The following RABGAP1L variants were observed in gnomAD, a reference collection of about 807,000 sequenced individuals.
RABGAP1L encodes rab GTPase-activating protein 1-like.
RABGAP1L carries 63 observed loss-of-function variants against 137.7 expected under a neutral mutation model. That is an observed-to-expected ratio of 0.46 (90% CI 0.37 to 0.56). The LOEUF is 0.56. Ranked by LOEUF, RABGAP1L falls within the 20% of genes least tolerant of loss-of-function variation. The pLI is 0.00. For synonymous variants in RABGAP1L, 431 were observed against 433.7 expected, an observed-to-expected ratio of 0.99 and a Z score of 0.08; for missense variants, 1,095 against 1,244.0, an observed-to-expected ratio of 0.88 and a Z score of 1.80.
At chr1:174,195,735 CTT>C (rs1558021791) in intron 1 of RABGAP1L, among the ~76,000 whole-genome samples, 4 of 115,830 alleles carry the variant, frequency 3.5e-5, no homozygotes, top group African/African-American at 1.4e-4. Context: ...TCTTTCTTTT[CTT>C]TCTTTCTTTC....
chr1:174,467,859 G>T (rs1021994322), intron 13 of RABGAP1L, among the ~76,000 whole-genome samples: 14 of 152,124 alleles, frequency 9.2e-5, no homozygotes, highest in Non-Finnish European at 1.8e-4. Flanking sequence ...TATATAAAGA[G>T]AAGCTAATAA....
At chr1:174,165,128 G>A (rs1427954942) in intron 1 of RABGAP1L, among the ~76,000 whole-genome samples, 5 of 152,158 alleles carry the variant, frequency 3.3e-5, no homozygotes, top group African/African-American at 1.2e-4. Flanking sequence ...AACTATAAGA[G>A]TTTAGAGAGG....
At chr1:174,249,370 G>C (rs891669628) in intron 5 of RABGAP1L, among the ~76,000 whole-genome samples, 8 of 152,128 alleles carry the variant, frequency 5.3e-5, no homozygotes, top group African/African-American at 1.9e-4. Context: ...GAAGTGAAGA[G>C]AGAACTTGGA....
intron 20 of RABGAP1L, among the ~76,000 whole-genome samples, chr1:174,966,615 T>G (rs116254517): frequency 6.6e-6 from 1 of 152,312 alleles, no homozygotes; most frequent in African/African-American, 2.4e-5. Flanking sequence ...AGCTCTGGCT[T>G]TTTAGAAATT....
At chr1:174,420,139 T>C (rs541820077) in intron 13 of RABGAP1L, among the ~76,000 whole-genome samples, 1 of 151,976 alleles carries the variant, frequency 6.6e-6, no homozygotes, top group South Asian at 2.1e-4. Context: ...TAATTTAAAA[T>C]GTTCTATCAT....
intron 13 of RABGAP1L, among the ~76,000 whole-genome samples, chr1:174,479,403 A>G (rs1410218811): frequency 6.6e-6 from 1 of 152,200 alleles, no homozygotes; most frequent in Non-Finnish European, 1.5e-5. Flanking sequence ...TCCACTCATC[A>G]GAGTCTATTT....
chr1:174,578,520 G>C (rs1245531191), intron 13 of RABGAP1L, among the ~76,000 whole-genome samples: 1 of 151,902 alleles, frequency 6.6e-6, no homozygotes, highest in Non-Finnish European at 1.5e-5. Flanking sequence ...AGAAACATAG[G>C]ATGTTTCATG....
At chr1:174,632,738 C>A (rs1349935262) in intron 13 of RABGAP1L, among the ~76,000 whole-genome samples, 3 of 145,552 alleles carry the variant, frequency 2.1e-5, no homozygotes, top group African/African-American at 2.6e-5. Context: ...TGGTTTTCAG[C>A]TCCATCAGCT....
In RABGAP1L at chr1:174,463,204, C is replaced by T. The variant is rs577009935; in HGVS notation, c.1710+69059C>T. On this transcript the variant is annotated intron_variant, in intron 13 of 25. Transcript: ENST00000681986. ...TATAAATCATGCTGCTATAAAGACA[C>T]GTGCACACGTATGTTTATTGCGGCA... 1.3e-3 allele frequency among the ~76,000 whole-genome samples: 205 copies of T among 152,206 alleles called. 1 individual carries two copies. The highest frequency in any genetic ancestry group is 4.6e-3 in the African/African-American group (191 of 41,498).
chr1:174,676,727 T>G (rs1371300958), intron 14 of RABGAP1L, among the ~76,000 whole-genome samples: 2 of 152,194 alleles, frequency 1.3e-5, no homozygotes, highest in Non-Finnish European at 2.9e-5. Context: ...ACTGTTAGCT[T>G]CAGCCATCAT....
chr1:174,741,068 A>T (rs919753199), intron 17 of RABGAP1L, among the ~76,000 whole-genome samples: 8 of 110,194 alleles, frequency 7.3e-5, no homozygotes, highest in East Asian at 5.2e-4. Flanking sequence ...TGTGTGTGGG[A>T]GCTTTTTAGT....
chr1:174,987,172 A>ATT (rs113584242), intron 24 of RABGAP1L, among the ~76,000 whole-genome samples: 4 of 147,210 alleles, frequency 2.7e-5, no homozygotes, highest in South Asian at 2.1e-4. Context: ...AGAGGAAGAA[A>ATT]TTTTTTTTTT....
intron 1 of RABGAP1L, among the ~76,000 whole-genome samples, chr1:174,170,081 T>G (rs1210445429): frequency 2.6e-5 from 4 of 152,214 alleles, no homozygotes; most frequent in Non-Finnish European, 5.9e-5. Flanking sequence ...ATACTTAAAA[T>G]GCAAGTAACT....
At chr1:174,717,300 C>T (rs1232280617) in intron 17 of RABGAP1L, among the ~76,000 whole-genome samples, 2 of 152,094 alleles carry the variant, frequency 1.3e-5, no homozygotes, top group African/African-American at 2.4e-5. Context: ...CTCCCAGTTA[C>T]TCAGGAGGCT....
chr1:174,989,753 C>G, intron 25 of RABGAP1L, 96 bp from the exon 26 acceptor site: 2 of 1,355,344 alleles, frequency 1.5e-6, no homozygotes, highest in Non-Finnish European at 2.0e-6. Context: ...ATTGGCAGCA[C>G]ATACCTTGAG....
At chr1:174,885,860 G>A (rs1573662253) in intron 19 of RABGAP1L, among the ~76,000 whole-genome samples, 3 of 151,904 alleles carry the variant, frequency 2.0e-5, no homozygotes, top group Admixed American at 6.5e-5. Flanking sequence ...CCAGCTACTC[G>A]GGAGGCTGAG....
intron 14 of RABGAP1L, among the ~76,000 whole-genome samples, chr1:174,654,461 C>G (rs961014944): frequency 2.6e-5 from 4 of 152,162 alleles, no homozygotes; most frequent in African/African-American, 9.6e-5. Context: ...TTTCAGGCTA[C>G]ATTCCTTAGG....
At chr1:174,893,809 GC>G (rs1201516913) in intron 19 of RABGAP1L, among the ~76,000 whole-genome samples, 2 of 152,084 alleles carry the variant, frequency 1.3e-5, no homozygotes, top group African/African-American at 4.8e-5. Context: ...ATTATTAATA[GC>G]AAGTCTTCCA....
Position 174,760,622 on chromosome 1 carries a change from C to T in RABGAP1L, c.2211+8268C>T, listed in dbSNP as rs533569473. Reference sequence around the variant, plus strand: ...GTCTTTGCTATTGTGAATAGTGCTGCGATGAACATGCATGTGCATGTGTCT... The same window carrying T: ...GTCTTTGCTATTGTGAATAGTGCTGTGATGAACATGCATGTGCATGTGTCT... On this transcript the variant is annotated intron_variant, in intron 18 of 25. Transcript: ENST00000681986. Among the ~76,000 whole-genome samples, 3 of 152,230 alleles carry T rather than the reference C, an allele frequency of 2.0e-5. No homozygotes were observed. In the South Asian group the frequency reaches 6.2e-4, roughly 32 times the overall value.
Sources: gnomAD v4.1 joint callset for allele counts (sites outside exome capture counted in the v4.1 genomes callset) on GRCh38, gnomAD v4.1.1 for gene constraint, MANE v1.5 for transcripts, NCBI Gene and HGNC (gene_info 2026-07-23, HGNC 2026-07-21) for gene names.